Variants in FOXP2 observed in about 807,000 individuals in gnomAD.
FOXP2 encodes the protein forkhead box P2.
Under a neutral mutation model 115.8 loss-of-function variants are expected in FOXP2, and 12 were observed. The ratio of observed to expected loss-of-function variants is 0.10; its 90% CI spans 0.07 to 0.17. The LOEUF (loss-of-function observed/expected upper bound fraction) is 0.17, where lower values mean the gene tolerates loss of function less well. FOXP2 is among the 10% of genes least tolerant of loss of function. The probability of loss-of-function intolerance (pLI) is 1.00; values close to 1 mark genes in which losing one functional copy is unlikely to be tolerated. For missense variants in FOXP2, 629 were observed against 843.5 expected (o/e 0.75, Z 3.15); for synonymous variants, 328 against 297.7 (o/e 1.10, Z -1.05).
rs534926543 is a variant in FOXP2 at position 114,646,122 on chromosome 7, C to CA, written c.1094+1336dup. On this transcript the variant is annotated intron_variant, in intron 8 of 16. Transcript: ENST00000350908. ...AAAGAACATAGGGATGTTATTTTAA[C>CA]AAATTATTTCCCATTTCCTCATGTG... 8.1e-5 allele frequency among the ~76,000 whole-genome samples: 10 copies of CA among 123,328 alleles called. 1 individual carries two copies. In the East Asian group the frequency reaches 2.5e-3, roughly 31 times the overall value. 80.9% of individuals were successfully genotyped at this position (123,328 alleles called of 152,430 possible).
At chr7:114,102,376 G>A (rs1790991864) in intron 1 of FOXP2, among the ~76,000 whole-genome samples, 1 of 151,836 alleles carries the variant, frequency 6.6e-6, no homozygotes, top group African/African-American at 2.4e-5. Flanking sequence ...TTTCTGTAAA[G>A]GTCTCTATAG....
At position 114,394,003 on chromosome 7, in the gene FOXP2, TGTGAGAGA is replaced by T. The variant is rs200555645; in HGVS notation, c.-10-32497_-10-32490del. Among the ~76,000 whole-genome samples the T allele has an allele frequency of 0.02, 1,192 of 59,012 alleles. 15 individuals are homozygous for T. The East Asian group carries it at 0.37, about 18-fold the overall frequency. 38.7% of individuals were successfully genotyped at this position (59,012 alleles called of 152,430 possible). A position where few individuals can be genotyped will look rare whatever the true frequency, so the allele number is the denominator to read the frequency against. On this transcript the variant is annotated intron_variant, in intron 2 of 17. Coordinates refer to the FOXP2 transcript ENST00000634411. Reference sequence around the variant, plus strand: ...GAGAGTGTGTGTGTGTGTGTGTGTGTGTGAGAGAGAGAGAGAGAGAGAGAGATCCCTTT... The same window carrying T: ...GAGAGTGTGTGTGTGTGTGTGTGTGTGAGAGAGAGAGAGAGAGATCCCTTT...
chr7:114,397,158 C>G (rs747692309), intron 2 of FOXP2, among the ~76,000 whole-genome samples: 1 of 151,842 alleles, frequency 6.6e-6, no homozygotes, highest in African/African-American at 2.4e-5. Context: ...GAAGAGATTT[C>G]GGGTGGAGAT....
chr7:114,440,092 G>T (rs566092508), intron 2 of FOXP2, among the ~76,000 whole-genome samples: 123 of 152,034 alleles, frequency 8.1e-4, no homozygotes, highest in African/African-American at 2.6e-3. Flanking sequence ...TAATGGTTAG[G>T]ACAGCACTGT....
At chr7:114,316,045 G>A (rs551447761) in intron 2 of FOXP2, among the ~76,000 whole-genome samples, 10 of 152,244 alleles carry the variant, frequency 6.6e-5, no homozygotes, top group African/African-American at 2.4e-4. Flanking sequence ...CACAGATACA[G>A]CACTAAATAG....
At chr7:114,354,467 C>T (rs1266003572) in intron 2 of FOXP2, among the ~76,000 whole-genome samples, 1 of 152,120 alleles carries the variant, frequency 6.6e-6, no homozygotes, top group Non-Finnish European at 1.5e-5. Context: ...TAATACAACT[C>T]CCTTTCTCAT....
chr7:114,513,160 T>C (rs1276902127), intron 2 of FOXP2, among the ~76,000 whole-genome samples: 1 of 152,146 alleles, frequency 6.6e-6, no homozygotes, highest in Non-Finnish European at 1.5e-5. Flanking sequence ...ACTTTCATAA[T>C]ACAGTTTGAG....
intron 2 of FOXP2, among the ~76,000 whole-genome samples, chr7:114,400,951 G>T (rs956011957): frequency 6.6e-5 from 10 of 152,084 alleles, no homozygotes; most frequent in African/African-American, 2.4e-4. Context: ...CAGGGTGGGG[G>T]TCAGTGGGTG....
At chr7:114,572,885 T>C (rs1484688304) in intron 3 of FOXP2, among the ~76,000 whole-genome samples, 4 of 151,896 alleles carry the variant, frequency 2.6e-5, no homozygotes, top group Non-Finnish European at 5.9e-5. Flanking sequence ...TTCTCAATGG[T>C]AAAGCTGAAT....
intron 1 of FOXP2, among the ~76,000 whole-genome samples, chr7:114,269,187 A>G (rs1415412442): frequency 6.6e-6 from 1 of 152,176 alleles, no homozygotes; most frequent in African/African-American, 2.4e-5. Context: ...TCATGAAGGT[A>G]TATAGCAGGA....
At chr7:114,153,517 T>C (rs1470430143) in intron 1 of FOXP2, among the ~76,000 whole-genome samples, 1 of 152,132 alleles carries the variant, frequency 6.6e-6, no homozygotes, top group East Asian at 1.9e-4. Flanking sequence ...GGAGTTACTA[T>C]GAGCAGAAAT....
intron 16 of FOXP2, 169 bp downstream of exon 16, chr7:114,664,605 A>C: frequency 2.6e-6 from 2 of 780,194 alleles, no homozygotes; most frequent in Non-Finnish European, 4.1e-6. Flanking sequence ...AATCGGTTTT[A>C]ATACATTTTT....
chr7:114,661,197 A>G (rs2129341651), intron 13 of FOXP2, among the ~76,000 whole-genome samples: 1 of 152,134 alleles, frequency 6.6e-6, no homozygotes, highest in African/African-American at 2.4e-5. Flanking sequence ...CTTGATAGCT[A>G]TATGCCAATG....
chr7:114,344,768 G>T (rs1250352300), intron 2 of FOXP2, among the ~76,000 whole-genome samples: 2 of 151,588 alleles, frequency 1.3e-5, no homozygotes, highest in Non-Finnish European at 3.0e-5. Flanking sequence ...TTTACATTAG[G>T]GCTTAAAATA....
At chr7:114,392,443 G>A (rs755660017) in intron 2 of FOXP2, among the ~76,000 whole-genome samples, 6 of 152,182 alleles carry the variant, frequency 3.9e-5, no homozygotes, top group Non-Finnish European at 8.8e-5. Context: ...ATGGTGCAGA[G>A]ATGGGTTAGC....
chr7:114,361,757 A>G (rs1791749377), intron 2 of FOXP2, among the ~76,000 whole-genome samples: 1 of 152,082 alleles, frequency 6.6e-6, no homozygotes. Flanking sequence ...ACTTGTTTGC[A>G]AAGTGTTATG....
At chr7:114,329,431 A>C (rs1435965412) in intron 2 of FOXP2, among the ~76,000 whole-genome samples, 1 of 151,206 alleles carries the variant, frequency 6.6e-6, no homozygotes, top group African/African-American at 2.4e-5. Flanking sequence ...AGACAAGAGA[A>C]TCTCTTGAAC....
intron 1 of FOXP2, among the ~76,000 whole-genome samples, chr7:114,144,818 GA>G (rs1174934948): frequency 6.6e-6 from 1 of 152,070 alleles, no homozygotes; most frequent in Non-Finnish European, 1.5e-5. Flanking sequence ...TGTTTATTTT[GA>G]GTACAACAGT....
chr7:114,658,374 A>G, intron 11 of FOXP2, 107 bp downstream of exon 11: 1 of 1,111,218 alleles, frequency 9.0e-7, no homozygotes, highest in Non-Finnish European at 1.3e-6. Context: ...TCATGTCATG[A>G]TTTATGGAGT....
Sources: gnomAD v4.1 joint callset for allele counts (sites outside exome capture counted in the v4.1 genomes callset) on GRCh38, gnomAD v4.1.1 for gene constraint, MANE v1.5 for transcripts, NCBI Gene and HGNC (gene_info 2026-07-23, HGNC 2026-07-21) for gene names.